PARD3: variants seen among roughly 807,000 people sequenced by gnomAD.
PARD3 encodes the protein par-3 family cell polarity regulator, also known as partitioning defective 3 homolog.
Under a neutral mutation model 155.4 loss-of-function variants are expected in PARD3, and 75 were observed. The observed-to-expected ratio is 0.48, with a 90% CI of 0.40 to 0.58. The LOEUF (loss-of-function observed/expected upper bound fraction) is 0.58. PARD3 is among the 20% of genes least tolerant of loss of function. The probability of loss-of-function intolerance (pLI) is 0.00; values close to 1 mark genes in which losing one functional copy is unlikely to be tolerated. For missense variants in PARD3, 1,642 were observed against 1,721.7 expected (o/e 0.95, Z 0.82); for synonymous variants, 576 against 610.5 (o/e 0.94, Z 0.83).
chr10:34,524,038 T>G (rs1355100204), intron 2 of PARD3, among the ~76,000 whole-genome samples: 1 of 152,128 alleles, frequency 6.6e-6, no homozygotes, highest in Non-Finnish European at 1.5e-5. Flanking sequence ...TTTACACTTG[T>G]CTCCCATAAA....
intron 5 of PARD3, among the ~76,000 whole-genome samples, chr10:34,421,676 T>C (rs1338786990): frequency 2.0e-5 from 3 of 152,192 alleles, no homozygotes; most frequent in Non-Finnish European, 4.4e-5. Context: ...TATTCAATTA[T>C]TGAATGCCTA....
At chr10:34,510,544 A>C (rs1055700995) in intron 3 of PARD3, among the ~76,000 whole-genome samples, 1 of 152,242 alleles carries the variant, frequency 6.6e-6, no homozygotes, top group African/African-American at 2.4e-5. Flanking sequence ...GTTGCAAAGA[A>C]ATAAGATGAC....
chr10:34,778,424 A>G (rs1469903505), intron 1 of PARD3, among the ~76,000 whole-genome samples: 1 of 152,222 alleles, frequency 6.6e-6, no homozygotes, highest in Non-Finnish European at 1.5e-5. Context: ...TTAAGAACTG[A>G]GCATCATGAA....
intron 2 of PARD3, among the ~76,000 whole-genome samples, chr10:34,655,114 G>C (rs926127085): frequency 6.6e-6 from 1 of 151,268 alleles, no homozygotes; most frequent in African/African-American, 2.4e-5. Flanking sequence ...CTAGTATCAA[G>C]TGACTTTTAT....
At chr10:34,736,330 C>CTTTTTTTTTT (rs564413627) in intron 1 of PARD3, among the ~76,000 whole-genome samples, 1 of 128,426 alleles carries the variant, frequency 7.8e-6, no homozygotes. Flanking sequence ...GCGCCTGGCC[C>CTTTTTTTTTT]TTTTTTTTTT....
At chr10:34,173,436 T>C (rs1056942580) in intron 22 of PARD3, among the ~76,000 whole-genome samples, 8 of 152,196 alleles carry the variant, frequency 5.3e-5, no homozygotes, top group Non-Finnish European at 1.0e-4. Context: ...AAACATCCAA[T>C]GATCTGAGAA....
rs578119112 is a variant in PARD3 at position 34,505,357 on chromosome 10, G to C, written c.403+11622C>G. Reference sequence around the variant, plus strand: ...CAAATATAATAGTCAAGGGTAAAAGGAAGTGAAGAGGGAAGAATTGGGCAG... The same window carrying C: ...CAAATATAATAGTCAAGGGTAAAAGCAAGTGAAGAGGGAAGAATTGGGCAG... On this transcript the variant is annotated intron_variant, in intron 3 of 24. Coordinates refer to ENST00000374788, the MANE Select transcript of PARD3 (RefSeq NM_001184785.2). Among the ~76,000 whole-genome samples the C allele has an allele frequency of 1.5e-4, 23 of 152,336 alleles. 2 individuals are homozygous for C. The highest frequency in any genetic ancestry group is 4.1e-4 in the South Asian group (2 of 4,826).
At chr10:34,737,032 C>T (rs1211551917) in intron 1 of PARD3, among the ~76,000 whole-genome samples, 1 of 152,140 alleles carries the variant, frequency 6.6e-6, no homozygotes, top group African/African-American at 2.4e-5. Context: ...TCATGTCTCC[C>T]TCCCCTTTTA....
intron 22 of PARD3, among the ~76,000 whole-genome samples, chr10:34,249,084 T>C (rs766921100): frequency 6.6e-6 from 1 of 152,182 alleles, no homozygotes; most frequent in Non-Finnish European, 1.5e-5. Context: ...CAGCATTACG[T>C]TTCCTGGAAA....
chr10:34,403,396 C>G (rs188057008), intron 5 of PARD3, among the ~76,000 whole-genome samples: 177 of 152,226 alleles, frequency 1.2e-3, no homozygotes, highest in African/African-American at 3.9e-3. Context: ...TCCAGAGACT[C>G]ACAGTAGAAA....
chr10:34,317,252 G>C lies in PARD3; in HGVS notation c.2920C>G (p.Gln974Glu). The change falls in exon 20 of 25, where the codon CAA (glutamine) becomes GAA (glutamate). Residue 974 changes from glutamine (Q) to glutamate (E), a missense_variant. By Grantham distance (29) the Gln-to-Glu change is conservative. Around this residue, in one of 3 missense-constraint regions of PARD3, gnomAD observed 1,529 missense variants for 1,587.3 expected, o/e 0.96. Coordinates refer to ENST00000374788, the MANE Select transcript of PARD3 (RefSeq NM_001184785.2). ...SDQPSHSLER[Q>E]MNGNQEKGDK... ...CCTTTCTCTTGGTTTCCATTCATTTGTCTCTCCAGAGAGTGGGAAGGCTGA... is the reference window on the plus strand; with the variant it reads ...CCTTTCTCTTGGTTTCCATTCATTTCTCTCTCCAGAGAGTGGGAAGGCTGA... 2 of 1,612,056 alleles carry C rather than the reference G, an allele frequency of 1.2e-6. No homozygotes were observed. The highest frequency in any genetic ancestry group is 1.7e-6 in the Non-Finnish European group (2 of 1,179,394).
intron 22 of PARD3, among the ~76,000 whole-genome samples, chr10:34,215,157 G>A (rs1164995524): frequency 6.6e-6 from 1 of 152,164 alleles, no homozygotes; most frequent in Non-Finnish European, 1.5e-5. Context: ...TTCTTGGAAG[G>A]TATAAAATGG....
At chr10:34,346,454 A>G (rs1837437581) in intron 15 of PARD3, 1 of 1,348,686 alleles carries the variant, frequency 7.4e-7, no homozygotes, top group African/African-American at 1.5e-5. Context: ...ATGTTCCTAT[A>G]ATAAAGGGGA....
intron 3 of PARD3, among the ~76,000 whole-genome samples, chr10:34,495,741 G>A (rs2080234632): frequency 6.6e-6 from 1 of 151,886 alleles, no homozygotes; most frequent in Non-Finnish European, 1.5e-5. Context: ...ATTCAAATGT[G>A]GGGCAACTGA....
intron 21 of PARD3, among the ~76,000 whole-genome samples, chr10:34,276,506 T>C (rs2133890973): frequency 1.3e-5 from 2 of 152,320 alleles, no homozygotes; most frequent in Middle Eastern, 6.8e-3. Context: ...ACACAAGACT[T>C]CTGTTTTTGT....
At chr10:34,706,571 T>C (rs947731182) in intron 1 of PARD3, among the ~76,000 whole-genome samples, 4 of 151,810 alleles carry the variant, frequency 2.6e-5, no homozygotes, top group Non-Finnish European at 5.9e-5. Context: ...GGCAAGACCC[T>C]GTCTCTATAA....
At chr10:34,804,624 T>C (rs539451309) in intron 1 of PARD3, among the ~76,000 whole-genome samples, 3 of 152,260 alleles carry the variant, frequency 2.0e-5, no homozygotes, top group Non-Finnish European at 4.4e-5. Flanking sequence ...AAATGACACA[T>C]GTTAAATGCC....
At chr10:34,483,482 C>CAA (rs35352038) in intron 3 of PARD3, among the ~76,000 whole-genome samples, 19 of 50,374 alleles carry the variant, frequency 3.8e-4, no homozygotes, top group African/African-American at 6.7e-4. Flanking sequence ...ACTCTGTCAC[C>CAA]AAAAAAAAAA....
intron 24 of PARD3, among the ~76,000 whole-genome samples, chr10:34,115,679 T>C (rs1346848305): frequency 3.3e-5 from 5 of 152,090 alleles, no homozygotes; most frequent in Non-Finnish European, 5.9e-5. Flanking sequence ...CCACAAATTA[T>C]ACAATTATAA....
Sources: allele counts gnomAD v4.1 joint callset (sites outside exome capture counted in the v4.1 genomes callset), GRCh38; gene constraint gnomAD v4.1.1; regional missense constraint gnomAD v4.1.1; transcripts MANE v1.5; gene names NCBI Gene and HGNC (gene_info 2026-07-23, HGNC 2026-07-21).